The following DOCK4 variants were observed in gnomAD, a reference collection of about 807,000 sequenced individuals.
DOCK4 encodes the protein dedicator of cytokinesis protein 4.
A neutral mutation model predicts 268.1 loss-of-function variants in DOCK4; 97 were observed. The ratio of observed to expected loss-of-function variants is 0.36; its 90% CI spans 0.31 to 0.43. The LOEUF is 0.43. Ranked by LOEUF, DOCK4 falls within the 20% of genes least tolerant of loss-of-function variation. DOCK4 has a pLI of 1.00. For synonymous variants in DOCK4, 954 were observed against 887.2 expected, an observed-to-expected ratio of 1.08 and a Z score of -1.34; for missense variants, 2,145 against 2,455.7, an observed-to-expected ratio of 0.87 and a Z score of 2.67.
chr7:111,989,307 G>T, intron 5 of DOCK4, 144 bp from the exon 6 acceptor site: 1 of 1,078,542 alleles, frequency 9.3e-7, no homozygotes, highest in Non-Finnish European at 1.3e-6. Context: ...CAGACAAACT[G>T]TTCGCTCACT....
chr7:111,988,515 C>T (rs1799230072), intron 6 of DOCK4, among the ~76,000 whole-genome samples: 1 of 152,146 alleles, frequency 6.6e-6, no homozygotes, highest in Non-Finnish European at 1.5e-5. Context: ...CTCAAAGTAG[C>T]TAATGTGTAT....
In DOCK4 at chr7:112,016,788, T is replaced by C. The variant is rs143169935; in HGVS notation, c.38-12657A>G. Among the ~76,000 whole-genome samples the C allele has an allele frequency of 1.9e-4, 29 of 152,300 alleles. No homozygotes were observed. In the East Asian group the frequency reaches 5.6e-3, roughly 29 times the overall value. On this transcript the variant is annotated intron_variant, in intron 1 of 52. Coordinates refer to ENST00000428084, the MANE Select transcript of DOCK4 (RefSeq NM_001363540.2). The stretch of plus-strand genomic sequence containing the variant: ...CGACTACTCAGTATATCAGGTGAAA[T>C]TTCAAGTGTTTCAGAAAATGAAAAA...
At chr7:111,739,303 G>A (rs1157051139) in intron 48 of DOCK4, 60 bp from the exon 49 acceptor site, 1 of 1,595,280 alleles carries the variant, frequency 6.3e-7, no homozygotes, top group Admixed American at 1.7e-5. Context: ...CCTGTTTGGA[G>A]GCGAGAGCCT....
intron 41 of DOCK4, 136 bp downstream of exon 41, chr7:111,758,488 T>C: frequency 9.9e-7 from 1 of 1,008,354 alleles, no homozygotes; most frequent in South Asian, 1.7e-5. Context: ...GCAGAACCAC[T>C]AGACTAAATG....
At chr7:111,936,353 T>C (rs1794733473) in intron 11 of DOCK4, among the ~76,000 whole-genome samples, 1 of 152,234 alleles carries the variant, frequency 6.6e-6, no homozygotes, top group Non-Finnish European at 1.5e-5. Context: ...GGTCATGTTA[T>C]CTTTGTTTAC....
At chr7:111,903,747 A>G (rs1014890674) in intron 13 of DOCK4, among the ~76,000 whole-genome samples, 1 of 152,204 alleles carries the variant, frequency 6.6e-6, no homozygotes, top group Non-Finnish European at 1.5e-5. Flanking sequence ...ATTCTTGACA[A>G]TAATGTTTCC....
intron 25 of DOCK4, among the ~76,000 whole-genome samples, chr7:111,834,935 C>G (rs1803120646): frequency 6.6e-6 from 1 of 151,312 alleles, no homozygotes; most frequent in Admixed American, 6.6e-5. Context: ...TTTTTTTTAA[C>G]TTGAGTGGAA....
At chr7:112,011,876 T>TAGATG (rs772022268) in intron 1 of DOCK4, among the ~76,000 whole-genome samples, 11 of 149,326 alleles carry the variant, frequency 7.4e-5, no homozygotes, top group Non-Finnish European at 1.5e-4. Context: ...AGGAGCATCC[T>TAGATG]AGATGAGATG....
intron 1 of DOCK4, among the ~76,000 whole-genome samples, chr7:112,010,473 T>A (rs1801201782): frequency 6.6e-6 from 1 of 152,240 alleles, no homozygotes; most frequent in Admixed American, 6.5e-5. Context: ...CAGGTGGCTA[T>A]GTGTGTCACA....
intron 1 of DOCK4, among the ~76,000 whole-genome samples, chr7:112,027,710 G>A (rs1252177785): frequency 1.3e-5 from 2 of 152,212 alleles, no homozygotes; most frequent in Non-Finnish European, 2.9e-5. Context: ...AGCTTTGATT[G>A]TATGGAGCCA....
At chr7:112,146,128 A>G (rs1815467800) in intron 1 of DOCK4, among the ~76,000 whole-genome samples, 1 of 152,194 alleles carries the variant, frequency 6.6e-6, no homozygotes, top group Non-Finnish European at 1.5e-5. Flanking sequence ...TGGTTTTTGT[A>G]GCAAGAACCT....
chr7:112,018,179 A>AAAAAAAAAAAAAAAACAC lies in DOCK4; in HGVS notation c.38-14049_38-14048insGTGTTTTTTTTTTTTTTT. Among the ~76,000 whole-genome samples the AAAAAAAAAAAAAAAACAC allele has an allele frequency of 1.1e-4, 8 of 72,630 alleles. 1 individual carries two copies. Among genetic ancestry groups the AAAAAAAAAAAAAAAACAC allele is most frequent in the East Asian group, 8.1e-4 (2 of 2,480 alleles). The allele number at this position is 72,630 out of a possible 152,430, so 47.6% of individuals were successfully genotyped here. ...AAAAAAAAAAAAAAAAAAAAAAAAA[A>AAAAAAAAAAAAAAAACAC]ACACAGGCAACCAGTATTCATGTGG... On this transcript the variant is annotated intron_variant, in intron 1 of 52. Coordinates refer to ENST00000428084, the MANE Select transcript of DOCK4 (RefSeq NM_001363540.2).
At chr7:111,792,689 G>GT (rs1051591981) in intron 30 of DOCK4, among the ~76,000 whole-genome samples, 23 of 152,042 alleles carry the variant, frequency 1.5e-4, no homozygotes, top group South Asian at 6.2e-4. Flanking sequence ...GGCTTACAGG[G>GT]TTTTTTTTAA....
intron 1 of DOCK4, among the ~76,000 whole-genome samples, chr7:112,110,794 T>A (rs1811580633): frequency 6.6e-6 from 1 of 152,168 alleles, no homozygotes; most frequent in African/African-American, 2.4e-5. Flanking sequence ...ATCCACTGCT[T>A]GGGGAAGTCA....
At chr7:112,156,604 T>C (rs1816636093) in intron 1 of DOCK4, among the ~76,000 whole-genome samples, 1 of 152,192 alleles carries the variant, frequency 6.6e-6, no homozygotes, top group Non-Finnish European at 1.5e-5. Flanking sequence ...AATAGCAGAT[T>C]TGGAGACTCT....
At chr7:112,188,316 C>A (rs1177530040) in intron 1 of DOCK4, among the ~76,000 whole-genome samples, 1 of 152,218 alleles carries the variant, frequency 6.6e-6, no homozygotes, top group Non-Finnish European at 1.5e-5. Flanking sequence ...GACTCTCGAA[C>A]TTACAATGAA....
Position 111,778,331 on chromosome 7 carries a change from A to G in DOCK4, c.3624T>C (p.Tyr1208=). ...YKTELNKEEM[Y]IRYIHKLYDL... ...CATAGAGTTTGTGAATGTAGCGTAT[A>G]TACATCTCCTCCTTGTTCAGTTCAG... Residue 1208 remains tyrosine, a synonymous_variant, in exon 36 of 53, where the codon TAT becomes TAC. Transcript: ENST00000428084. The G allele has an allele frequency of 6.2e-7, 1 of 1,612,912 alleles. No homozygotes were observed. The highest frequency in any genetic ancestry group is 8.5e-7 in the Non-Finnish European group (1 of 1,179,116).
chr7:111,785,042 T>C (rs963907559), intron 32 of DOCK4, among the ~76,000 whole-genome samples: 7 of 152,202 alleles, frequency 4.6e-5, no homozygotes, highest in African/African-American at 1.7e-4. Flanking sequence ...AAGTTTTCTC[T>C]CCATCATCCC....
Position 111,945,796 on chromosome 7 carries a change from T to C in DOCK4, c.704A>G (p.Glu235Gly). The C allele has an allele frequency of 6.3e-7, 1 of 1,582,258 alleles. No homozygotes were observed. Among genetic ancestry groups the C allele is most frequent in the Non-Finnish European group, 8.6e-7 (1 of 1,163,354 alleles). Residue 235 changes from glutamate to glycine, a missense_variant and splice_region_variant, in exon 9 of 53, where the codon GAG becomes GGG. Around this residue, in one of 2 missense-constraint regions of DOCK4, gnomAD observed 1,598 missense variants for 1,986.7 expected, o/e 0.80. Transcript: ENST00000428084. ...TCTATTCAGCCTCAAGAAAAATCTC[T>C]CACTACAAGAGAAAAAATGTTTAAC... ...FDSKENRPIS[E>G]RFFLRLNRNG...
Sources: allele counts gnomAD v4.1 joint callset (sites outside exome capture counted in the v4.1 genomes callset), GRCh38; gene constraint gnomAD v4.1.1; regional missense constraint gnomAD v4.1.1; transcripts MANE v1.5; gene names NCBI Gene and HGNC (gene_info 2026-07-23, HGNC 2026-07-21).